Variants in ANOS1 observed in about 807,000 individuals in gnomAD.
ANOS1 encodes anosmin 1.
ANOS1 carries 6 observed loss-of-function variants against 59.0 expected under a neutral mutation model. That is an observed-to-expected ratio of 0.10 (90% confidence interval 0.06 to 0.20). The LOEUF is 0.20. ANOS1 is among the 10% of genes least tolerant of loss of function. The pLI is 1.00. For missense variants in ANOS1, 433 were observed against 542.3 expected, an observed-to-expected ratio of 0.80 and a Z score of 2.00; for synonymous variants, 217 against 223.4, an observed-to-expected ratio of 0.97 and a Z score of 0.25.
At chrX:8,577,164 G>A (rs970915337) in intron 6 of ANOS1, among the ~76,000 whole-genome samples, 1 of 112,132 alleles carries the variant, frequency 8.9e-6, no homozygotes, top group Non-Finnish European at 1.9e-5. Flanking sequence ...TAGGAAACTC[G>A]ACATGAGCAC....
chrX:8,557,588 T>C (rs1012150800), intron 8 of ANOS1, among the ~76,000 whole-genome samples: 2 of 112,499 alleles, frequency 1.8e-5, no homozygotes, highest in Non-Finnish European at 3.8e-5. Context: ...TCACCATCAC[T>C]GGTCATTAGA....
At chrX:8,596,948 A>C in intron 4 of ANOS1, 86 bp downstream of exon 4, 1 of 1,183,551 alleles carries the variant, frequency 8.4e-7, no homozygotes, top group Non-Finnish European at 1.1e-6. Context: ...TAGACTTTTC[A>C]CACCTATGAT....
At chrX:8,672,175 C>T (rs150090480) in intron 2 of ANOS1, among the ~76,000 whole-genome samples, 2,887 of 111,088 alleles carry the variant, frequency 0.026, 42 homozygotes, top group Middle Eastern at 0.061. Context: ...TACACACACA[C>T]ACACACACAC....
intron 4 of ANOS1, among the ~76,000 whole-genome samples, chrX:8,592,588 T>C (rs773339109): frequency 1.4e-4 from 16 of 111,226 alleles, no homozygotes; most frequent in Non-Finnish European, 3.0e-4. Context: ...GGCAACAAAA[T>C]AGTAAAATAT....
intron 3 of ANOS1, among the ~76,000 whole-genome samples, chrX:8,602,224 G>T (rs1930855999): frequency 8.9e-6 from 1 of 112,089 alleles, no homozygotes; most frequent in African/African-American, 3.2e-5. Flanking sequence ...TATGGTATGT[G>T]TACATAAGGT....
chrX:8,707,045 TA>T (rs1932783937), intron 1 of ANOS1, among the ~76,000 whole-genome samples: 1 of 111,584 alleles, frequency 9.0e-6, no homozygotes. Context: ...GCTTGCTCTA[TA>T]ACGTTCTGCA....
chrX:8,569,380 C>T (rs1381903943), intron 7 of ANOS1, among the ~76,000 whole-genome samples: 2 of 112,534 alleles, frequency 1.8e-5, no homozygotes, highest in Admixed American at 9.4e-5. Context: ...TGGTGGCTCA[C>T]GCCTGTAATC....
In ANOS1 at chrX:8,594,695, T is replaced by C. The variant is rs868068292; in HGVS notation, c.541+2339A>G. On this transcript the variant is annotated intron_variant, in intron 4 of 13. Transcript: ENST00000262648. ...ATATATATATATATATATATATATA[T>C]ATACACATATATATACACATATATA... Among the ~76,000 whole-genome samples, 422 of 59,209 alleles carry C rather than the reference T, an allele frequency of 7.1e-3. 6 individuals are homozygous for C. The highest frequency in any genetic ancestry group is 0.018 in the African/African-American group (234 of 12,986). The allele number at this position is 59,209 out of a possible 115,157, so 51.4% of individuals were successfully genotyped here.
At chrX:8,593,800 A>C (rs1930661318) in intron 4 of ANOS1, among the ~76,000 whole-genome samples, 1 of 111,128 alleles carries the variant, frequency 9.0e-6, no homozygotes, top group Admixed American at 9.6e-5. Context: ...CAGCCTCCCA[A>C]GTAGCTATGA....
rs748789056 is a variant in ANOS1 at position 8,532,499 on chromosome X, T to C, written c.*496A>G. 8.8e-6 allele frequency: 1 copy of C among 113,007 alleles called. No homozygotes were observed. The highest frequency in any genetic ancestry group is 3.2e-5 in the African/African-American group (1 of 30,933). 9.3% of individuals were successfully genotyped at this position (113,007 alleles called of 1,213,427 possible). ...ATTTTCATTTAAAAATCACCTAGGATAAAAATGATCTTAGGAAAGATTCAA... is the reference window on the plus strand; with the variant it reads ...ATTTTCATTTAAAAATCACCTAGGACAAAAATGATCTTAGGAAAGATTCAA... On this transcript the variant is annotated 3_prime_UTR_variant, in exon 14 of 14. Coordinates refer to ENST00000262648, the MANE Select transcript of ANOS1 (RefSeq NM_000216.4).
chrX:8,643,953 C>T (rs1931707805), intron 2 of ANOS1, among the ~76,000 whole-genome samples: 1 of 109,171 alleles, frequency 9.2e-6, no homozygotes, highest in Admixed American at 9.8e-5. Flanking sequence ...CTGAACCAAA[C>T]CAATGTCTTT....
In ANOS1 at chrX:8,545,079, A is replaced by G. The variant is rs1453154687; in HGVS notation, c.1355-5321T>C. Among the ~76,000 whole-genome samples the G allele has an allele frequency of 2.0e-3, 212 of 103,677 alleles. 1 individual carries two copies. The highest frequency in any genetic ancestry group is 3.6e-3 in the Non-Finnish European group (182 of 50,800). 90.0% of individuals were successfully genotyped at this position (103,677 alleles called of 115,157 possible). On this transcript the variant is annotated intron_variant, in intron 9 of 13. Transcript: ENST00000262648. ...GAAACTCCAAAAAAAAAAAAAAAAA[A>G]AAAAGAAAAGAAGAGAAAAGAAAAT...
intron 3 of ANOS1, among the ~76,000 whole-genome samples, chrX:8,611,150 A>G (rs1395691736): frequency 1.8e-5 from 2 of 111,409 alleles, no homozygotes; most frequent in Non-Finnish European, 3.8e-5. Flanking sequence ...TAGAAATTCC[A>G]GAAGTAAAAA....
intron 8 of ANOS1, among the ~76,000 whole-genome samples, chrX:8,564,258 A>G (rs1199284467): frequency 8.9e-6 from 1 of 112,265 alleles, no homozygotes; most frequent in East Asian, 2.8e-4. Flanking sequence ...ATAAAATTAC[A>G]ATGGAAAACA....
intron 2 of ANOS1, among the ~76,000 whole-genome samples, chrX:8,643,830 A>G (rs1220877433): frequency 8.9e-6 from 1 of 111,902 alleles, no homozygotes; most frequent in Non-Finnish European, 1.9e-5. Flanking sequence ...CATTGATCCC[A>G]GGTCTTTAGA....
chrX:8,723,975 T>C (rs569392667), intron 1 of ANOS1, among the ~76,000 whole-genome samples: 5 of 112,648 alleles, frequency 4.4e-5, no homozygotes, highest in African/African-American at 1.6e-4. Context: ...GAGCATGATG[T>C]GCTTACCTAC....
rs753344812 is a variant in ANOS1, at chrX:8,529,707, T to C, written c.*3288A>G. 2 of 111,927 alleles carry C rather than the reference T, an allele frequency of 1.8e-5. No individual in the cohort carries two copies. Among genetic ancestry groups the C allele is most frequent in the South Asian group, 7.4e-4 (2 of 2,700 alleles). 9.2% of individuals were successfully genotyped at this position (111,927 alleles called of 1,213,427 possible). A position where few individuals can be genotyped will look rare whatever the true frequency, so the allele number is the denominator to read the frequency against. On this transcript the variant is annotated 3_prime_UTR_variant, in exon 14 of 14. Transcript: ENST00000262648. ...CTCTAGAAATTCACTGGGTTTCTTA[T>C]AAAGGGCAAATTCAGTAAAGATCAT...
At chrX:8,667,553 G>C (rs1294929385) in intron 2 of ANOS1, among the ~76,000 whole-genome samples, 1 of 111,818 alleles carries the variant, frequency 8.9e-6, no homozygotes, top group Non-Finnish European at 1.9e-5. Flanking sequence ...GAAAAGCAGA[G>C]TTCCAGAGAA....
At chrX:8,692,883 T>G (rs1932627955) in intron 2 of ANOS1, among the ~76,000 whole-genome samples, 1 of 112,539 alleles carries the variant, frequency 8.9e-6, no homozygotes, top group Non-Finnish European at 1.9e-5. Flanking sequence ...TAAATCTTAC[T>G]AAATAAATTT....
Sources: gnomAD v4.1 joint callset for allele counts (sites outside exome capture counted in the v4.1 genomes callset) on GRCh38, gnomAD v4.1.1 for gene constraint, MANE v1.5 for transcripts, NCBI Gene and HGNC (gene_info 2026-07-23, HGNC 2026-07-21) for gene names.